MGMT: variants seen among roughly 807,000 people sequenced by gnomAD.
The protein encoded by MGMT is O-6-methylguanine-DNA methyltransferase.
A neutral mutation model predicts 15.9 loss-of-function variants in MGMT; 14 were observed. The ratio of observed to expected loss-of-function variants is 0.88; its 90% CI spans 0.58 to 1.37. The LOEUF is 1.37. Among genes scored for constraint, MGMT ranks in the 40% most tolerant of loss-of-function variants. The pLI is 0.00. For missense variants in MGMT, 282 were observed against 268.1 expected, an observed-to-expected ratio of 1.05 and a Z score of -0.36; for synonymous variants, 130 against 118.2, an observed-to-expected ratio of 1.10 and a Z score of -0.65.
intron 2 of MGMT, 90 bp downstream of exon 2, chr10:129,536,467 A>C (rs945650542): frequency 1.3e-6 from 2 of 1,501,906 alleles, no homozygotes; most frequent in African/African-American, 2.8e-5. Flanking sequence ...CATTGATGGC[A>C]GGGTAACGCA....
At chr10:129,658,695 T>C (rs1847560070) in intron 2 of MGMT, among the ~76,000 whole-genome samples, 1 of 152,158 alleles carries the variant, frequency 6.6e-6, no homozygotes, top group Non-Finnish European at 1.5e-5. Flanking sequence ...AGAAAGTAAG[T>C]TTAGTTGATT....
chr10:129,508,689 G>T (rs143800715), intron 1 of MGMT, among the ~76,000 whole-genome samples: 179 of 152,092 alleles, frequency 1.2e-3, no homozygotes, highest in Non-Finnish European at 1.5e-3. Context: ...GGGATTATAG[G>T]CGCCTGCCAC....
At chr10:129,754,624 T>A (rs555927377) in intron 3 of MGMT, among the ~76,000 whole-genome samples, 2 of 152,324 alleles carry the variant, frequency 1.3e-5, no homozygotes, top group East Asian at 3.9e-4. Flanking sequence ...TGATAAAGAA[T>A]AGGAATTTAT....
chr10:129,560,072 A>C (rs967311144), intron 2 of MGMT, among the ~76,000 whole-genome samples: 1 of 152,220 alleles, frequency 6.6e-6, no homozygotes, highest in Non-Finnish European at 1.5e-5. Context: ...ATGAAAGGTC[A>C]GTTGTTAAAA....
At chr10:129,679,398 G>T (rs754509396) in intron 2 of MGMT, among the ~76,000 whole-genome samples, 9 of 152,016 alleles carry the variant, frequency 5.9e-5, no homozygotes, top group Non-Finnish European at 8.8e-5. Context: ...TCTGAGTCCC[G>T]GTGTTTCACA....
intron 2 of MGMT, among the ~76,000 whole-genome samples, chr10:129,560,293 T>C (rs1846261919): frequency 6.6e-6 from 1 of 152,222 alleles, no homozygotes; most frequent in Non-Finnish European, 1.5e-5. Flanking sequence ...AGTGTGTATA[T>C]GATATAGAAC....
At chr10:129,506,697 C>T (rs141554317) in intron 1 of MGMT, among the ~76,000 whole-genome samples, 5 of 152,316 alleles carry the variant, frequency 3.3e-5, no homozygotes, top group East Asian at 1.9e-4. Context: ...CCGAAAGAGT[C>T]GACTTGCCAT....
chr10:129,593,016 G>A lies in MGMT; in HGVS notation c.125+56639G>A, dbSNP rs756200663. 3.9e-4 allele frequency among the ~76,000 whole-genome samples: 60 copies of A among 152,124 alleles called. 1 individual carries two copies. The highest frequency in any genetic ancestry group is 3.3e-3 in the Admixed American group (51 of 15,266). ...GAGACTGAAAAGTCAGACACCCACC[G>A]CCCCAGACAAACACCATGGTGGCCT... On this transcript the variant is annotated intron_variant, in intron 2 of 4. Transcript: ENST00000651593.
At chr10:129,497,030 G>A (rs548354669) in intron 1 of MGMT, among the ~76,000 whole-genome samples, 8 of 152,048 alleles carry the variant, frequency 5.3e-5, no homozygotes, top group South Asian at 2.1e-4. Flanking sequence ...GAAGGCTATC[G>A]GGGTAGAAGT....
intron 3 of MGMT, among the ~76,000 whole-genome samples, chr10:129,715,318 C>G (rs567221361): frequency 6.6e-6 from 1 of 152,334 alleles, no homozygotes; most frequent in Admixed American, 6.5e-5. Context: ...CCGCAGTGTC[C>G]TGGCGTTGGC....
intron 2 of MGMT, among the ~76,000 whole-genome samples, chr10:129,653,046 C>T (rs1847480365): frequency 6.6e-6 from 1 of 152,192 alleles, no homozygotes; most frequent in Admixed American, 6.5e-5. Flanking sequence ...GAGAATATAT[C>T]AGTGGCACTG....
intron 1 of MGMT, among the ~76,000 whole-genome samples, chr10:129,491,656 G>C (rs1203573487): frequency 6.6e-6 from 1 of 151,884 alleles, no homozygotes; most frequent in Non-Finnish European, 1.5e-5. Context: ...CCACAGTTTG[G>C]ATATTTTCTG....
At chr10:129,614,140 T>G (rs539039662) in intron 2 of MGMT, among the ~76,000 whole-genome samples, 7 of 152,188 alleles carry the variant, frequency 4.6e-5, no homozygotes, top group African/African-American at 1.7e-4. Flanking sequence ...TTCTACTGTC[T>G]CTATGAGTCT....
intron 2 of MGMT, among the ~76,000 whole-genome samples, chr10:129,595,987 A>G (rs1185379543): frequency 6.6e-6 from 1 of 152,180 alleles, no homozygotes; most frequent in Non-Finnish European, 1.5e-5. Context: ...AGCTGGATAT[A>G]GAATTATAGG....
chr10:129,526,577 C>G (rs1845873076), intron 1 of MGMT, among the ~76,000 whole-genome samples: 1 of 152,184 alleles, frequency 6.6e-6, no homozygotes, highest in African/African-American at 2.4e-5. Context: ...CCAGGCTGGT[C>G]TGCAACTCCA....
At chr10:129,558,495 G>T (rs1035610517) in intron 2 of MGMT, among the ~76,000 whole-genome samples, 1 of 152,210 alleles carries the variant, frequency 6.6e-6, no homozygotes, top group African/African-American at 2.4e-5. Flanking sequence ...GGTCCTCAGC[G>T]CCTCTGCCTT....
chr10:129,564,852 C>A (rs913958327), intron 2 of MGMT, among the ~76,000 whole-genome samples: 3 of 151,914 alleles, frequency 2.0e-5, no homozygotes, highest in Non-Finnish European at 2.9e-5. Flanking sequence ...CAGGCCAGTT[C>A]CCGGGGCAGC....
chr10:129,548,973 G>A (rs2119784319), intron 2 of MGMT, among the ~76,000 whole-genome samples: 1 of 152,262 alleles, frequency 6.6e-6, no homozygotes, highest in South Asian at 2.1e-4. Flanking sequence ...GTTACCCTGT[G>A]GTGGCATTTT....
intron 2 of MGMT, among the ~76,000 whole-genome samples, chr10:129,563,102 T>C (rs1223898004): frequency 1.3e-5 from 2 of 152,226 alleles, no homozygotes; most frequent in African/African-American, 2.4e-5. Context: ...TGAGCACGTT[T>C]AAGGCAGGCT....
Sources: gnomAD v4.1 joint callset for allele counts (sites outside exome capture counted in the v4.1 genomes callset) on GRCh38, gnomAD v4.1.1 for gene constraint, MANE v1.5 for transcripts, NCBI Gene and HGNC (gene_info 2026-07-23, HGNC 2026-07-21) for gene names.